The following AMDHD2 variants were observed in gnomAD, a reference collection of about 807,000 sequenced individuals.
AMDHD2 encodes the protein amidohydrolase domain containing 2.
Under a neutral mutation model 41.8 loss-of-function variants are expected in AMDHD2, and 24 were observed. The ratio of observed to expected loss-of-function variants is 0.57; its 90% confidence interval spans 0.42 to 0.81. The LOEUF (loss-of-function observed/expected upper bound fraction) is 0.81, where lower values mean the gene tolerates loss of function less well. Ranked by LOEUF, AMDHD2 falls within the 30% of genes least tolerant of loss-of-function variation. AMDHD2 has a pLI of 0.00. For missense variants in AMDHD2, 540 were observed against 588.5 expected, an observed-to-expected ratio of 0.92 and a Z score of 0.85; for synonymous variants, 332 against 255.5, an observed-to-expected ratio of 1.30 and a Z score of -2.85.
intron 3 of AMDHD2, 122 bp downstream of exon 3, chr16:2,521,245 C>T (rs2141897739): frequency 1.6e-6 from 2 of 1,283,896 alleles, no homozygotes; most frequent in South Asian, 1.6e-5. Flanking sequence ...GTCTGGCCTC[C>T]TTTGATGACC....
chr16:2,530,380 A>AC lies in AMDHD2; in HGVS notation c.*818dup. 1 of 1,613,948 alleles carries AC rather than the reference A, an allele frequency of 6.2e-7. No homozygotes were observed. Among genetic ancestry groups the AC allele is most frequent in the East Asian group, 2.2e-5 (1 of 44,886 alleles). On this transcript the variant is annotated 3_prime_UTR_variant, in exon 11 of 11. Coordinates refer to ENST00000293971, the MANE Select transcript of AMDHD2 (RefSeq NM_001330449.2). The stretch of plus-strand genomic sequence containing the variant: ...TCTTCTGTGTCCCCTTGGCCCTGGC[A>AC]CACACCCATGTGGCAAACACGGGCC...
At chr16:2,529,218 C>G in intron 10 of AMDHD2, 123 bp downstream of exon 10, 1 of 1,100,502 alleles carries the variant, frequency 9.1e-7, no homozygotes. Flanking sequence ...CTCAGGTGGG[C>G]TGCCGGCTGC....
chr16:2,521,986 G>A (rs941482793), intron 3 of AMDHD2, among the ~76,000 whole-genome samples: 10 of 151,840 alleles, frequency 6.6e-5, no homozygotes, highest in East Asian at 5.8e-4. Context: ...GGGTTTCACC[G>A]TGTTAGCCAG....
In AMDHD2 at chr16:2,527,999, T is replaced by C. The variant is rs940698549; in HGVS notation, c.628+14T>C. 2.7e-5 allele frequency: 44 copies of C among 1,607,632 alleles called. No homozygotes were observed. The highest frequency in any genetic ancestry group is 3.7e-5 in the Non-Finnish European group (44 of 1,178,538). On this transcript the variant is annotated intron_variant, in intron 5 of 10. Transcript: ENST00000293971. The surrounding 1 kb of genome is among the most constrained non-coding windows in gnomAD (Gnocchi z 6.1). ...GCGTGTCCCTAGGTGAGGGGCCGGCTCGGGGTGGGCCTGCTTGGGGGACCT... is the reference window on the plus strand; with the variant it reads ...GCGTGTCCCTAGGTGAGGGGCCGGCCCGGGGTGGGCCTGCTTGGGGGACCT...
Position 2,530,367 on chromosome 16 carries a change from C to T in AMDHD2, c.*804C>T. 6 of 1,614,178 alleles carry T rather than the reference C, an allele frequency of 3.7e-6. No homozygotes were observed. The highest frequency in any genetic ancestry group is 5.1e-6 in the Non-Finnish European group (6 of 1,180,016). The stretch of plus-strand genomic sequence containing the variant: ...TGTCATCCTGCCATCTTCTGTGTCC[C>T]CTTGGCCCTGGCACACACCCATGTG... On this transcript the variant is annotated 3_prime_UTR_variant, in exon 11 of 11. Coordinates refer to ENST00000293971, the MANE Select transcript of AMDHD2 (RefSeq NM_001330449.2).
intron 5 of AMDHD2, 30 bp from the exon 6 acceptor site, chr16:2,528,025 GGGCCA>G: frequency 1.2e-6 from 2 of 1,611,286 alleles, no homozygotes; most frequent in Non-Finnish European, 1.7e-6. Context: ...TGGGGGACCT[GGGCCA>G]GGTGCAAAGT....
At chr16:2,528,629 C>G in intron 8 of AMDHD2, 21 bp from the exon 9 acceptor site, 1 of 1,613,038 alleles carries the variant, frequency 6.2e-7, no homozygotes, top group Non-Finnish European at 8.5e-7. Flanking sequence ...CCCCCCAGAG[C>G]CTGCCCTCTC....
intron 3 of AMDHD2, among the ~76,000 whole-genome samples, chr16:2,521,714 G>A (rs2065940302): frequency 6.7e-6 from 1 of 149,878 alleles, no homozygotes; most frequent in African/African-American, 2.5e-5. Flanking sequence ...GGCTGTACCT[G>A]TGCTACTGTT....
intron 3 of AMDHD2, among the ~76,000 whole-genome samples, chr16:2,521,720 C>G (rs1297650853): frequency 1.3e-5 from 2 of 149,730 alleles, no homozygotes; most frequent in Non-Finnish European, 1.5e-5. Flanking sequence ...ACCTGTGCTA[C>G]TGTTTTTTAC....
Position 2,528,302 on chromosome 16 carries a change from A to C in AMDHD2, c.784A>C (p.Ile262Leu). Residue 262 changes from isoleucine (I) to leucine (L), a missense_variant, in exon 7 of 11, where the codon ATC (isoleucine) becomes CTC (leucine). By Grantham distance (5) the Ile-to-Leu change is conservative (BLOSUM62 2). Coordinates refer to ENST00000293971, the MANE Select transcript of AMDHD2 (RefSeq NM_001330449.2). Reference protein sequence around the residue: ...TSDRLPAGRCIFYGMIADGTH... With the variant: ...TSDRLPAGRCLFYGMIADGTH... ...CGACCGGCTGCCCGCAGGCCGCTGCATCTTCTATGGGATGATTGCAGATGG... is the reference window on the plus strand; with the variant it reads ...CGACCGGCTGCCCGCAGGCCGCTGCCTCTTCTATGGGATGATTGCAGATGG... 1 of 1,612,594 alleles carries C rather than the reference A, an allele frequency of 6.2e-7. No homozygotes were observed. Among genetic ancestry groups the C allele is most frequent in the Admixed American group, 1.7e-5 (1 of 60,012 alleles).
At chr16:2,528,765 G>C in intron 9 of AMDHD2, 47 bp downstream of exon 9, 1 of 1,602,422 alleles carries the variant, frequency 6.2e-7, no homozygotes, top group Non-Finnish European at 8.5e-7. Context: ...GTGAGTGGTG[G>C]GTCCCCAAGG....
In AMDHD2 at chr16:2,527,924, G is replaced by A. The variant is rs774414224; in HGVS notation, c.567G>A (p.Glu189=). The A allele has an allele frequency of 6.3e-7, 1 of 1,598,008 alleles. No homozygotes were observed. Among genetic ancestry groups the A allele is most frequent in the Admixed American group, 1.7e-5 (1 of 59,556 alleles). The change falls in exon 5 of 11, where the codon GAG becomes GAA. Residue 189 remains glutamate, a synonymous_variant. Coordinates refer to ENST00000293971, the MANE Select transcript of AMDHD2 (RefSeq NM_001330449.2). This position sits in a 1 kb window ranked among gnomAD's most constrained non-coding sequence, Gnocchi z 6.1. ...DNVRIVTLAP[E]LGRSHEVIRA... ...TCCGCATCGTGACGCTGGCCCCAGA[G>A]TTGGGCCGTAGCCACGAAGTGATCC...
chr16:2,520,740 A>T, intron 1 of AMDHD2, 29 bp from the exon 2 acceptor site: 1 of 1,524,296 alleles, frequency 6.6e-7, no homozygotes, highest in Non-Finnish European at 8.8e-7. Context: ...CAGGCCCGCG[A>T]TGCGAGCGCC....
chr16:2,529,916 G>T lies in AMDHD2; in HGVS notation c.*353G>T. 1 of 1,006,802 alleles carries T rather than the reference G, an allele frequency of 9.9e-7. No individual in the cohort carries two copies. Among genetic ancestry groups the T allele is most frequent in the Non-Finnish European group, 1.4e-6 (1 of 720,768 alleles). The allele number at this position is 1,006,802 out of a possible 1,614,324, so 62.4% of individuals were successfully genotyped here. ...CCGGAGACCTGCAGACCCCAGGAAA[G>T]TGTCACTATGGGAGGGAGGGGCAGG... On this transcript the variant is annotated 3_prime_UTR_variant, in exon 11 of 11. Coordinates refer to ENST00000293971, the MANE Select transcript of AMDHD2 (RefSeq NM_001330449.2).
In AMDHD2 at chr16:2,521,062, C is replaced by G. The variant is rs2065929384; in HGVS notation, c.299C>G (p.Ser100Trp). The change falls in exon 3 of 11, where the codon TCG becomes TGG. Residue 100 changes from serine (S) to tryptophan (W), a missense_variant. Coordinates refer to ENST00000293971, the MANE Select transcript of AMDHD2 (RefSeq NM_001330449.2). ...GCCCTCGTGGCCCGGAGGATCCTGT[C>G]GCACGGCGTCACCTCCTTCTGCCCC... The part of the protein sequence containing the change: ...GVALVARRIL[S>W]HGVTSFCPTL... 1 of 1,611,068 alleles carries G rather than the reference C, an allele frequency of 6.2e-7. No individual in the cohort carries two copies.
chr16:2,530,886 T>A lies in AMDHD2; in HGVS notation c.*1323T>A. On this transcript the variant is annotated 3_prime_UTR_variant, in exon 11 of 11. Transcript: ENST00000293971. ...GGTGTGAGGTGCAGGGATACCCACC[T>A]CTGCCTTGACGGCCGCGCACCCCTT... The A allele has an allele frequency of 1.2e-6, 2 of 1,613,576 alleles. No individual in the cohort carries two copies. The highest frequency in any genetic ancestry group is 3.3e-5 in the Admixed American group (2 of 60,024).
intron 2 of AMDHD2, 31 bp downstream of exon 2, chr16:2,520,936 G>A (rs752201922): frequency 3.8e-6 from 6 of 1,597,360 alleles, no homozygotes; most frequent in Admixed American, 3.4e-5. Context: ...GGGAACCCAG[G>A]GGAGGAGCTC....
At position 2,527,079 on chromosome 16, in the gene AMDHD2, G is replaced by A. The variant is rs747959962; in HGVS notation, c.361-482G>A. The A allele has an allele frequency of 2.7e-5, 5 of 185,898 alleles. No homozygotes were observed. Among genetic ancestry groups the A allele is most frequent in the Non-Finnish European group, 5.6e-5 (5 of 89,846 alleles). The allele number at this position is 185,898 out of a possible 1,614,324, so 11.5% of individuals were successfully genotyped here. A position where few individuals can be genotyped will look rare whatever the true frequency, so the allele number is the denominator to read the frequency against. ...GGAGAGAGGGAGTGTGCACTGGACT[G>A]CCTGCCCACCTGTTAGCCTCTGAGA... On this transcript the variant is annotated intron_variant, in intron 3 of 10. Transcript: ENST00000293971. The surrounding 1 kb of genome is among the most constrained non-coding windows in gnomAD (Gnocchi z 6.1).
In AMDHD2 at chr16:2,529,525, G is replaced by T. The variant is rs1325988859; in HGVS notation, c.1192G>T (p.Gly398Cys). The T allele has an allele frequency of 6.2e-7, 1 of 1,611,932 alleles. No individual in the cohort carries two copies. ...SLHVQATYIS[G>C]ELVWQADAAR... ...TCACGTCCAGGCCACCTACATCTCGGGTGAGCTGGTGTGGCAGGCGGACGC... is the reference window on the plus strand; with the variant it reads ...TCACGTCCAGGCCACCTACATCTCGTGTGAGCTGGTGTGGCAGGCGGACGC... The change falls in exon 11 of 11, where the codon GGT (glycine) becomes TGT (cysteine). Residue 398 changes from glycine (G) to cysteine (C), a missense_variant. Physicochemically the swap from Gly to Cys is radical, Grantham distance 159. Coordinates refer to ENST00000293971, the MANE Select transcript of AMDHD2 (RefSeq NM_001330449.2).
Sources: allele counts gnomAD v4.1 joint callset (sites outside exome capture counted in the v4.1 genomes callset), GRCh38; gene constraint gnomAD v4.1.1; non-coding constraint Gnocchi (gnomAD v3.1); transcripts MANE v1.5; gene names NCBI Gene and HGNC (gene_info 2026-07-23, HGNC 2026-07-21).